Variants in ZNF708 observed in about 807,000 individuals in gnomAD.
The protein encoded by ZNF708 is ZNF15, ZNF15L1.
ZNF708 carries 44 observed loss-of-function variants against 47.0 expected under a neutral mutation model. That is an observed-to-expected ratio of 0.94 (90% CI 0.74 to 1.20). The LOEUF (loss-of-function observed/expected upper bound fraction) is 1.20, where lower values mean the gene tolerates loss of function less well. Ranked by LOEUF, ZNF708 falls within the 50% of genes most tolerant of loss-of-function variation. The probability of loss-of-function intolerance (pLI) is 0.00; values close to 1 mark genes in which losing one functional copy is unlikely to be tolerated. For missense variants in ZNF708, 557 were observed against 656.0 expected, an observed-to-expected ratio of 0.85 and a Z score of 1.65; for synonymous variants, 184 against 218.5, an observed-to-expected ratio of 0.84 and a Z score of 1.39.
At position 21,309,433 on chromosome 19, in the gene ZNF708, C is replaced by G. The variant is rs1034669593; in HGVS notation, c.131-92G>C. 5.8e-6 allele frequency: 7 copies of G among 1,208,608 alleles called. No homozygotes were observed. In the African/African-American group the frequency reaches 6.3e-5, roughly 11 times the overall value. 74.9% of individuals were successfully genotyped at this position (1,208,608 alleles called of 1,614,324 possible). On this transcript the variant is annotated intron_variant, in intron 2 of 3. Coordinates refer to ENST00000356929, the MANE Select transcript of ZNF708 (RefSeq NM_021269.3). ...CTCAGTAAAGAGAATGTAGGCCAGG[C>G]ACAGTGGCTCATCCTGGTAATCCCA... is the stretch of plus-strand genomic sequence containing the variant.
chr19:21,302,426 T>A (rs1328008772), intron 3 of ZNF708, among the ~76,000 whole-genome samples: 1 of 152,080 alleles, frequency 6.6e-6, no homozygotes, highest in Non-Finnish European at 1.5e-5. Context: ...GGCTGGGTGC[T>A]GTGGCTCACA....
chr19:21,329,360 G>T lies in ZNF708; in HGVS notation c.-148C>A, dbSNP rs993910803. On this transcript the variant is annotated 5_prime_UTR_variant, in exon 1 of 4. Transcript: ENST00000356929. ...GCTCCGGCTGCAGCAAGAGACAAAG[G>T]CCGCGCCAAACCCGGAAGCCGCCCT... 1 of 1,312,706 alleles carries T rather than the reference G, an allele frequency of 7.6e-7. No homozygotes were observed. The highest frequency in any genetic ancestry group is 1.1e-6 in the Non-Finnish European group (1 of 934,824). 81.3% of individuals were successfully genotyped at this position (1,312,706 alleles called of 1,614,324 possible).
intron 3 of ZNF708, among the ~76,000 whole-genome samples, chr19:21,298,071 G>C (rs1412689760): frequency 1.3e-5 from 2 of 151,860 alleles, no homozygotes; most frequent in African/African-American, 2.4e-5. Flanking sequence ...AACACACAGA[G>C]AGCAATATAA....
At position 21,329,260 on chromosome 19, in the gene ZNF708, TA is replaced by T. The variant is rs1973327330; in HGVS notation, c.-49del. 6.2e-7 allele frequency: 1 copy of T among 1,607,236 alleles called. No individual in the cohort carries two copies. Among genetic ancestry groups the T allele is most frequent in the Non-Finnish European group, 8.5e-7 (1 of 1,175,584 alleles). ...GGAGTCTTAGCTGTGGATCTCCCAA[TA>T]CCTGCAGGTCACAGAGCCACAGAGT... On this transcript the variant is annotated 5_prime_UTR_variant, in exon 1 of 4. Coordinates refer to ENST00000356929, the MANE Select transcript of ZNF708 (RefSeq NM_021269.3).
chr19:21,328,510 C>T (rs1973308862), intron 1 of ZNF708, among the ~76,000 whole-genome samples: 1 of 152,074 alleles, frequency 6.6e-6, no homozygotes, highest in South Asian at 2.1e-4. Context: ...CTTGAGACCC[C>T]GCTTGGAACG....
In ZNF708 at chr19:21,293,895, A is replaced by G; in HGVS notation, c.1071T>C (p.Ile357=). 4.3e-6 allele frequency: 7 copies of G among 1,613,398 alleles called. No individual in the cohort carries two copies. The highest frequency in any genetic ancestry group is 5.1e-6 in the Non-Finnish European group (6 of 1,179,794). The change falls in exon 4 of 4, where the codon ATT becomes ATC. Residue 357 remains isoleucine, a synonymous_variant. Transcript: ENST00000356929. ...VFSTLTKHKI[I]HTEEKPYKCE... ...ATTTGTAGGGTTTCTCTTCAGTATG[A>G]ATTATCTTATGTTTAGTAAGGGTTG...
intron 3 of ZNF708, among the ~76,000 whole-genome samples, chr19:21,298,952 T>A (rs1251504266): frequency 6.6e-6 from 1 of 152,120 alleles, no homozygotes; most frequent in Non-Finnish European, 1.5e-5. Flanking sequence ...AACGAGCCAG[T>A]CACAAAAAGA....
rs555254264 is a variant in ZNF708, at chr19:21,291,842, A to C, written c.*1432T>G. 1 of 152,266 alleles carries C rather than the reference A, an allele frequency of 6.6e-6. No individual in the cohort carries two copies. The allele number at this position is 152,266 out of a possible 1,614,324, so 9.4% of individuals were successfully genotyped here. On this transcript the variant is annotated 3_prime_UTR_variant, in exon 4 of 4. Transcript: ENST00000356929. The stretch of plus-strand genomic sequence containing the variant: ...ATTGTGCCACTGCACTCCAGCCTGG[A>C]CGACAGAGAGAGACTCTGTCTCAAG...
chr19:21,301,960 A>G (rs936407205), intron 3 of ZNF708, among the ~76,000 whole-genome samples: 8 of 152,324 alleles, frequency 5.3e-5, no homozygotes, highest in Middle Eastern at 3.4e-3. Context: ...GCACAGTCCT[A>G]TGAAAAGTAC....
intron 3 of ZNF708, among the ~76,000 whole-genome samples, chr19:21,302,093 A>C (rs1037826890): frequency 3.3e-5 from 5 of 152,236 alleles, no homozygotes; most frequent in Non-Finnish European, 5.9e-5. Context: ...GAGACTCTGC[A>C]TATAAACAAA....
chr19:21,304,377 C>T (rs1300563612), intron 3 of ZNF708, among the ~76,000 whole-genome samples: 1 of 151,828 alleles, frequency 6.6e-6, no homozygotes, highest in African/African-American at 2.4e-5. Flanking sequence ...ATGACCCAAA[C>T]ACCACCCACC....
At chr19:21,326,762 T>C (rs1173277529) in intron 1 of ZNF708, among the ~76,000 whole-genome samples, 2 of 151,606 alleles carry the variant, frequency 1.3e-5, no homozygotes, top group Non-Finnish European at 2.9e-5. Flanking sequence ...GAAACCCCGT[T>C]CTCTACAAAA....
chr19:21,308,914 T>A (rs927566456), intron 3 of ZNF708, among the ~76,000 whole-genome samples: 12 of 152,094 alleles, frequency 7.9e-5, no homozygotes, highest in African/African-American at 2.9e-4. Flanking sequence ...ACTTACAAAA[T>A]AGTTTAACAC....
Position 21,297,270 on chromosome 19 carries a change from ATTTTTTTTTTTTTTT to A in ZNF708, c.227-2546_227-2532del, listed in dbSNP as rs1157234305. Reference sequence around the variant, plus strand: ...TATATATATATATATATATATATATATTTTTTTTTTTTTTTTTTTTTTTTTTTTTCAGATGGAGTC... The same window carrying A: ...TATATATATATATATATATATATATATTTTTTTTTTTTTTCAGATGGAGTC... On this transcript the variant is annotated intron_variant, in intron 3 of 3. Transcript: ENST00000356929. Among the ~76,000 whole-genome samples, 192 of 46,618 alleles carry A rather than the reference ATTTTTTTTTTTTTTT, an allele frequency of 4.1e-3. 1 individual carries two copies. The highest frequency in any genetic ancestry group is 0.01 in the East Asian group (12 of 1,196). 30.6% of individuals were successfully genotyped at this position (46,618 alleles called of 152,430 possible).
At chr19:21,316,386 A>C (rs533600497) in intron 1 of ZNF708, among the ~76,000 whole-genome samples, 2 of 151,908 alleles carry the variant, frequency 1.3e-5, no homozygotes, top group Non-Finnish European at 1.5e-5. Flanking sequence ...TTGGCCTCCC[A>C]AAGTGCTGGG....
At chr19:21,309,216 G>C in intron 3 of ZNF708, 30 bp downstream of exon 3, 1 of 1,546,164 alleles carries the variant, frequency 6.5e-7, no homozygotes, top group Non-Finnish European at 8.8e-7. Flanking sequence ...CCTCACATCT[G>C]TGTCATCTGT....
chr19:21,319,115 A>G (rs1973074706), intron 1 of ZNF708, among the ~76,000 whole-genome samples: 1 of 152,170 alleles, frequency 6.6e-6, no homozygotes, highest in South Asian at 2.1e-4. Context: ...TGCTTAGGAG[A>G]TTCAAAGTAA....
At chr19:21,317,046 C>A (rs1264383016) in intron 1 of ZNF708, among the ~76,000 whole-genome samples, 1 of 151,586 alleles carries the variant, frequency 6.6e-6, no homozygotes, top group Non-Finnish European at 1.5e-5. Flanking sequence ...CTGGGCCTCC[C>A]GAAGTGCTGG....
chr19:21,296,617 A>G (rs1972531793), intron 3 of ZNF708, among the ~76,000 whole-genome samples: 1 of 152,328 alleles, frequency 6.6e-6, no homozygotes, highest in South Asian at 2.1e-4. Context: ...CCTACATACC[A>G]AAGATGCTGA....
Sources: gnomAD v4.1 joint callset for allele counts (sites outside exome capture counted in the v4.1 genomes callset) on GRCh38, gnomAD v4.1.1 for gene constraint, MANE v1.5 for transcripts, NCBI Gene and HGNC (gene_info 2026-07-23, HGNC 2026-07-21) for gene names.